The following BRWD3 variants were observed in gnomAD, a reference collection of about 807,000 sequenced individuals.
The protein encoded by BRWD3 is bromodomain and WD repeat domain containing 3, also known as bromodomain and WD repeat-containing protein 3.
A neutral mutation model predicts 149.7 loss-of-function variants in BRWD3; 10 were observed. The ratio of observed to expected loss-of-function variants is 0.07; its 90% CI spans 0.04 to 0.11. The LOEUF is 0.11. Ranked by LOEUF, BRWD3 falls within the 10% of genes least tolerant of loss-of-function variation. The probability of loss-of-function intolerance (pLI) is 1.00; values close to 1 mark genes in which losing one functional copy is unlikely to be tolerated. For synonymous variants in BRWD3, 504 were observed against 456.7 expected, an observed-to-expected ratio of 1.10 and a Z score of -1.32; for missense variants, 940 against 1,373.2, an observed-to-expected ratio of 0.68 and a Z score of 4.99.
chrX:80,778,668 T>C (rs1294777749), intron 6 of BRWD3, among the ~76,000 whole-genome samples: 1 of 112,402 alleles, frequency 8.9e-6, no homozygotes, highest in Non-Finnish European at 1.9e-5. Context: ...TATTTTCTCT[T>C]TTACAAAAAA....
Position 80,717,827 on chromosome X carries a change from C to A in BRWD3, c.2045-68G>T, listed in dbSNP as rs370726397. 43 of 966,970 alleles carry A rather than the reference C, an allele frequency of 4.4e-5. No individual in the cohort carries two copies. The East Asian group carries it at 5.3e-4, about 12-fold the overall frequency. The allele number at this position is 966,970 out of a possible 1,213,427, so 79.7% of individuals were successfully genotyped here. On this transcript the variant is annotated intron_variant, in intron 18 of 40. Transcript: ENST00000373275. ...CACCATAGTTTTCCAGAACAGAGCT[C>A]TAAATAAAACAGTAGATTCAAATAT...
chrX:80,780,250 C>T (rs1329433018), intron 6 of BRWD3, among the ~76,000 whole-genome samples: 1 of 110,174 alleles, frequency 9.1e-6, no homozygotes, highest in Non-Finnish European at 1.9e-5. Context: ...AAGATTAATA[C>T]TTTGGTGTAT....
intron 6 of BRWD3, among the ~76,000 whole-genome samples, chrX:80,751,565 A>G (rs1337754692): frequency 8.9e-6 from 1 of 112,156 alleles, no homozygotes; most frequent in East Asian, 2.8e-4. Context: ...TTTTAAAACT[A>G]TTTTGTTACT....
chrX:80,808,911 G>T (rs1182098336), intron 3 of BRWD3, 102 bp downstream of exon 3: 8 of 940,048 alleles, frequency 8.5e-6, no homozygotes, highest in Non-Finnish European at 1.2e-5. Flanking sequence ...CGGGTACCCA[G>T]ATCGAAGCCT....
chrX:80,759,588 T>C (rs1378870147), intron 6 of BRWD3, among the ~76,000 whole-genome samples: 1 of 112,287 alleles, frequency 8.9e-6, no homozygotes, highest in Non-Finnish European at 1.9e-5. Context: ...ACGTTTTAGC[T>C]ATGAATGTGA....
intron 10 of BRWD3, among the ~76,000 whole-genome samples, chrX:80,734,816 T>C (rs765671319): frequency 1.8e-5 from 2 of 111,365 alleles, no homozygotes; most frequent in Non-Finnish European, 3.8e-5. Context: ...TTGTCAACTC[T>C]GGGCAGAATT....
At chrX:80,737,277 T>C (rs770563580) in intron 8 of BRWD3, among the ~76,000 whole-genome samples, 14 of 111,641 alleles carry the variant, frequency 1.3e-4, no homozygotes, top group South Asian at 3.8e-4. Flanking sequence ...AGATAACATA[T>C]GTACATCCTC....
chrX:80,791,590 T>G (rs757174261), intron 6 of BRWD3, among the ~76,000 whole-genome samples: 3 of 111,918 alleles, frequency 2.7e-5, no homozygotes, highest in African/African-American at 9.7e-5. Context: ...TAAAAACGTC[T>G]ATACTATATT....
intron 35 of BRWD3, 117 bp from the exon 36 acceptor site, chrX:80,685,653 G>T: frequency 1.8e-6 from 1 of 561,496 alleles, no homozygotes. Flanking sequence ...TGTTTTATCG[G>T]CTGTACTTTA....
intron 27 of BRWD3, among the ~76,000 whole-genome samples, chrX:80,695,304 G>C (rs1238619681): frequency 8.9e-6 from 1 of 111,855 alleles, no homozygotes; most frequent in Non-Finnish European, 1.9e-5. Flanking sequence ...TTACAGCAGT[G>C]TGAAAATGAA....
chrX:80,676,750 A>T lies in BRWD3; in HGVS notation c.5268T>A (p.Thr1756=). ...TATCAGAATCATCATTATATAAAAC[A>T]GTCCTCCTGCCTTGGTTTCTTGTTT... ...RIKTRNQGRR[T]VLYNDDSDND... The change falls in exon 41 of 41, where the codon ACT becomes ACA. Residue 1756 remains threonine, a synonymous_variant. Coordinates refer to ENST00000373275, the MANE Select transcript of BRWD3 (RefSeq NM_153252.5). 8.3e-7 allele frequency: 1 copy of T among 1,211,271 alleles called. No homozygotes were observed. Among genetic ancestry groups the T allele is most frequent in the Non-Finnish European group, 1.1e-6 (1 of 895,320 alleles).
intron 4 of BRWD3, among the ~76,000 whole-genome samples, chrX:80,805,850 G>A (rs944195273): frequency 3.6e-5 from 4 of 111,107 alleles, no homozygotes; most frequent in African/African-American, 9.8e-5. Flanking sequence ...CAGGAGAATC[G>A]CTTGAACCTG....
chrX:80,701,109 G>C (rs2072780817), intron 24 of BRWD3, among the ~76,000 whole-genome samples: 1 of 111,458 alleles, frequency 9.0e-6, no homozygotes, highest in Admixed American at 9.6e-5. Context: ...CAAATTAAAA[G>C]TTGCCTGTTA....
rs1371538658 is a variant in BRWD3, at chrX:80,760,050, T to C, written c.431-14321A>G. 2.3e-4 allele frequency among the ~76,000 whole-genome samples: 26 copies of C among 112,145 alleles called. 1 individual carries two copies. The highest frequency in any genetic ancestry group is 3.8e-5 in the Non-Finnish European group (2 of 53,225). ...GCCACTCTTACTATATATTAAACAC[T>C]AATCCTGCATCAAGTTTCTATAACT... On this transcript the variant is annotated intron_variant, in intron 6 of 40. Transcript: ENST00000373275.
At chrX:80,680,307 T>C (rs2147671727) in intron 40 of BRWD3, among the ~76,000 whole-genome samples, 1 of 112,389 alleles carries the variant, frequency 8.9e-6, no homozygotes, top group African/African-American at 3.2e-5. Context: ...ATAATTGATG[T>C]CCCTTGTATG....
chrX:80,766,722 T>A (rs2073862410), intron 6 of BRWD3, among the ~76,000 whole-genome samples: 1 of 111,938 alleles, frequency 8.9e-6, no homozygotes, highest in African/African-American at 3.2e-5. Flanking sequence ...TTTCTGCATT[T>A]CCAACAGAGG....
chrX:80,750,991 G>C (rs1243858321), intron 6 of BRWD3, among the ~76,000 whole-genome samples: 1 of 110,911 alleles, frequency 9.0e-6, no homozygotes, highest in African/African-American at 3.3e-5. Context: ...AGTGAAATAA[G>C]CCAAGCACAG....
chrX:80,729,045 C>T, intron 13 of BRWD3, 140 bp from the exon 14 acceptor site: 1 of 507,243 alleles, frequency 2.0e-6, no homozygotes, highest in Non-Finnish European at 3.3e-6. Flanking sequence ...GTTAAGTATT[C>T]ATGAAAGAAA....
chrX:80,677,137 T>C lies in BRWD3; in HGVS notation c.4881A>G (p.Ser1627=). The change falls in exon 41 of 41, where the codon TCA becomes TCG. Residue 1627 remains serine (S), a synonymous_variant. Coordinates refer to ENST00000373275, the MANE Select transcript of BRWD3 (RefSeq NM_153252.5). ...CGTAATCTTGATCTGTTCTGGAAGT[T>C]GATTCAGAGTCAGAGTCAGAACCAC... ...STCGSDSDSE[S]TSRTDQDYVD... 2 of 1,211,819 alleles carry C rather than the reference T, an allele frequency of 1.7e-6. No homozygotes were observed. The highest frequency in any genetic ancestry group is 2.2e-6 in the Non-Finnish European group (2 of 895,361).
Sources: gnomAD v4.1 joint callset for allele counts (sites outside exome capture counted in the v4.1 genomes callset) on GRCh38, gnomAD v4.1.1 for gene constraint, MANE v1.5 for transcripts, NCBI Gene and HGNC (gene_info 2026-07-23, HGNC 2026-07-21) for gene names.